The following ZMYM1 variants were observed in gnomAD, a reference collection of about 807,000 sequenced individuals.
The protein encoded by ZMYM1 is zinc finger MYM-type protein 1.
ZMYM1 carries 39 observed loss-of-function variants against 60.0 expected under a neutral mutation model. That is an observed-to-expected ratio of 0.65 (90% CI 0.50 to 0.85). The LOEUF (loss-of-function observed/expected upper bound fraction) is 0.85, where lower values mean the gene tolerates loss of function less well. ZMYM1 is among the 40% of genes least tolerant of loss of function. ZMYM1 has a pLI of 0.00. For synonymous variants in ZMYM1, 413 were observed against 454.0 expected (o/e 0.91, Z 1.15); for missense variants, 1,171 against 1,309.5 (o/e 0.89, Z 1.63).
intron 4 of ZMYM1, among the ~76,000 whole-genome samples, chr1:35,099,080 T>G (rs150733142): frequency 5.8e-4 from 88 of 152,290 alleles, no homozygotes; most frequent in Non-Finnish European, 1.1e-3. Context: ...ATTTAAGTGG[T>G]CAGAACAATA....
At chr1:35,091,707 CA>C (rs1236461440) in intron 1 of ZMYM1, among the ~76,000 whole-genome samples, 1 of 143,050 alleles carries the variant, frequency 7.0e-6, no homozygotes, top group Non-Finnish European at 1.5e-5. Context: ...TCAGTCTGGG[CA>C]ACATAGGGAA....
chr1:35,106,961 C>T (rs1337477809), intron 6 of ZMYM1, among the ~76,000 whole-genome samples: 2 of 151,706 alleles, frequency 1.3e-5, no homozygotes. Flanking sequence ...ACGCCATTCT[C>T]GTATCTCAGC....
At chr1:35,070,410 G>A (rs545696602) in intron 1 of ZMYM1, among the ~76,000 whole-genome samples, 89 of 152,194 alleles carry the variant, frequency 5.8e-4, no homozygotes, top group Non-Finnish European at 9.9e-4. Context: ...TAGAAACACT[G>A]CTGATTTTTC....
chr1:35,097,437 A>G lies in ZMYM1; in HGVS notation c.290A>G (p.Gln97Arg). ...TGTGCTGGTTGTAAAAAAATTCTCC[A>G]GAAGGGGCAAACTGCTTATCAGAGG... ...VSCAGCKKIL[Q>R]KGQTAYQRKG... The change falls in exon 4 of 10, where the codon CAG becomes CGG. Residue 97 changes from glutamine (Q) to arginine (R), a missense_variant. Coordinates refer to ENST00000359858, the MANE Select transcript of ZMYM1 (RefSeq NM_024772.5). 1.2e-6 allele frequency: 2 copies of G among 1,614,196 alleles called. No individual in the cohort carries two copies. The highest frequency in any genetic ancestry group is 4.5e-5 in the East Asian group (2 of 44,880).
chr1:35,067,160 G>C (rs567364377), intron 1 of ZMYM1, among the ~76,000 whole-genome samples: 58 of 151,796 alleles, frequency 3.8e-4, no homozygotes, highest in African/African-American at 1.4e-3. Flanking sequence ...TGTATTTTTA[G>C]TAGAGATGGG....
intron 1 of ZMYM1, among the ~76,000 whole-genome samples, chr1:35,074,331 G>A (rs545333586): frequency 6.6e-6 from 1 of 152,274 alleles, no homozygotes; most frequent in African/African-American, 2.4e-5. Flanking sequence ...TGTGTATTCT[G>A]CAGCTGTTGG....
Position 35,115,356 on chromosome 1 carries a change from CA to C in ZMYM1, c.*98del. 7.4e-7 allele frequency: 1 copy of C among 1,353,558 alleles called. No homozygotes were observed. The highest frequency in any genetic ancestry group is 9.8e-7 in the Non-Finnish European group (1 of 1,019,292). The allele number at this position is 1,353,558 out of a possible 1,614,324, so 83.8% of individuals were successfully genotyped here. A position where few individuals can be genotyped will look rare whatever the true frequency, so the allele number is the denominator to read the frequency against. ...AATTCAAAAGACACAGAACGATAAA[CA>C]GTGAAGTCTCCTTCCCTCCTTTAGA... On this transcript the variant is annotated 3_prime_UTR_variant, in exon 10 of 10. Transcript: ENST00000359858.
At chr1:35,095,733 C>A in intron 2 of ZMYM1, 86 bp from the exon 3 acceptor site, 1 of 1,173,566 alleles carries the variant, frequency 8.5e-7, no homozygotes, top group Non-Finnish European at 1.2e-6. Context: ...GACTTGACCA[C>A]AATTTATCAT....
chr1:35,067,599 G>A (rs1463213942), intron 1 of ZMYM1, among the ~76,000 whole-genome samples: 1 of 152,126 alleles, frequency 6.6e-6, no homozygotes, highest in Admixed American at 6.6e-5. Flanking sequence ...TCATGGCCGG[G>A]TGCAGTGGCT....
At chr1:35,083,395 T>G (rs1642492472) in intron 1 of ZMYM1, among the ~76,000 whole-genome samples, 1 of 151,980 alleles carries the variant, frequency 6.6e-6, no homozygotes, top group South Asian at 2.1e-4. Flanking sequence ...TAAGCAGTCC[T>G]CTGTCCTCTA....
intron 9 of ZMYM1, 68 bp downstream of exon 9, chr1:35,112,198 GAC>G: frequency 6.5e-7 from 1 of 1,528,074 alleles, no homozygotes; most frequent in Non-Finnish European, 9.1e-7. Context: ...TTGTTGTTGA[GAC>G]AGAGTCTCGC....
intron 1 of ZMYM1, among the ~76,000 whole-genome samples, chr1:35,067,127 C>T (rs879330864): frequency 3.3e-5 from 5 of 151,944 alleles, no homozygotes; most frequent in African/African-American, 7.3e-5. Flanking sequence ...TACAGGCACA[C>T]GCCACTACGC....
At chr1:35,070,603 A>C (rs569240504) in intron 1 of ZMYM1, among the ~76,000 whole-genome samples, 23 of 152,122 alleles carry the variant, frequency 1.5e-4, no homozygotes, top group African/African-American at 5.5e-4. Context: ...TATTCCTTTC[A>C]TTTGCTTAAT....
chr1:35,078,370 A>T (rs886509672), upstream of ZMYM1, among the ~76,000 whole-genome samples: 1 of 152,080 alleles, frequency 6.6e-6, no homozygotes, highest in African/African-American at 2.4e-5. Context: ...GTCAAATATG[A>T]TTATAATAAG....
intron 1 of ZMYM1, among the ~76,000 whole-genome samples, chr1:35,081,207 G>A (rs932666154): frequency 1.3e-5 from 2 of 152,116 alleles, no homozygotes; most frequent in Non-Finnish European, 2.9e-5. Flanking sequence ...AGGAGCCACC[G>A]TGCCCGGCCG....
intron 1 of ZMYM1, among the ~76,000 whole-genome samples, chr1:35,067,958 T>C (rs531454203): frequency 6.6e-6 from 1 of 151,780 alleles, no homozygotes; most frequent in African/African-American, 2.4e-5. Flanking sequence ...AATGAAAAAA[T>C]TTTTTAAATT....
At chr1:35,066,870 T>A (rs1284142257) in intron 1 of ZMYM1, among the ~76,000 whole-genome samples, 2 of 152,126 alleles carry the variant, frequency 1.3e-5, no homozygotes, top group Non-Finnish European at 2.9e-5. Context: ...CTCAGCAGAA[T>A]TTTTTTGTAA....
intron 4 of ZMYM1, 169 bp downstream of exon 4, chr1:35,097,735 C>G: frequency 1.4e-6 from 1 of 738,444 alleles, no homozygotes; most frequent in South Asian, 1.9e-5. Context: ...ACTTCCACCT[C>G]CTGGGTTCAA....
At chr1:35,073,898 C>T (rs1482118725) in intron 1 of ZMYM1, among the ~76,000 whole-genome samples, 2 of 152,074 alleles carry the variant, frequency 1.3e-5, no homozygotes, top group South Asian at 2.1e-4. Context: ...CAGGTTCAAG[C>T]GATTCTTCTG....
Sources: allele counts gnomAD v4.1 joint callset (sites outside exome capture counted in the v4.1 genomes callset), GRCh38; gene constraint gnomAD v4.1.1; transcripts MANE v1.5; gene names NCBI Gene and HGNC (gene_info 2026-07-23, HGNC 2026-07-21).